DPYD: variants seen among roughly 807,000 people sequenced by gnomAD.
The protein encoded by DPYD is dihydropyrimidine dehydrogenase, also known as dihydropyrimidine dehydrogenase [NADP(+)].
In DPYD, 109 loss-of-function variants were observed where a neutral mutation model predicts 116.2. That is an observed-to-expected ratio of 0.94 (90% confidence interval 0.80 to 1.10). DPYD has a LOEUF of 1.10. Ranked by LOEUF, DPYD falls within the 50% of genes least tolerant of loss-of-function variation. The pLI is 0.00. For synonymous variants in DPYD, 440 were observed against 432.0 expected (o/e 1.02, Z -0.23); for missense variants, 1,302 against 1,254.5 (o/e 1.04, Z -0.57).
intron 8 of DPYD, among the ~76,000 whole-genome samples, chr1:97,669,029 G>A (rs778163073): frequency 6.6e-6 from 1 of 150,774 alleles, no homozygotes; most frequent in South Asian, 2.1e-4. Flanking sequence ...GATGCACAAC[G>A]TATCTCAGTA....
chr1:97,585,818 T>G (rs906079354), intron 10 of DPYD: 3 of 152,278 alleles, frequency 2.0e-5, no homozygotes, highest in Non-Finnish European at 4.4e-5. Flanking sequence ...AAGTAGAGCA[T>G]ACAGATCTCT....
At chr1:97,439,469 C>T (rs1219227349) in intron 14 of DPYD, among the ~76,000 whole-genome samples, 1 of 152,122 alleles carries the variant, frequency 6.6e-6, no homozygotes, top group African/African-American at 2.4e-5. Context: ...GGAAATTGTC[C>T]AGTTCACTTA....
intron 3 of DPYD, among the ~76,000 whole-genome samples, chr1:97,771,686 T>C (rs1039657076): frequency 3.9e-5 from 6 of 152,152 alleles, no homozygotes; most frequent in African/African-American, 1.4e-4. Flanking sequence ...ATATAACCCA[T>C]ATTTGGGGAT....
At position 97,282,008 on chromosome 1, in the gene DPYD, C is replaced by A. The variant is rs148703110; in HGVS notation, c.2299+23251G>T. ...GTTATTGGCTTTTTTCCATCTATTG[C>A]TCAAATAACTTTAAATATCTATCTC... On this transcript the variant is annotated intron_variant, in intron 18 of 22. Transcript: ENST00000370192. 7.9e-3 allele frequency among the ~76,000 whole-genome samples: 1,202 copies of A among 152,132 alleles called. 9 individuals carry two copies. The highest frequency in any genetic ancestry group is 0.012 in the Non-Finnish European group (841 of 67,948).
At chr1:97,903,853 C>T (rs567981491) in intron 1 of DPYD, among the ~76,000 whole-genome samples, 4 of 151,860 alleles carry the variant, frequency 2.6e-5, no homozygotes, top group Non-Finnish European at 5.9e-5. Flanking sequence ...AAAAATCTGA[C>T]GGCTGAATAA....
chr1:97,121,241 T>G (rs1018200941), intron 20 of DPYD, among the ~76,000 whole-genome samples: 4 of 152,120 alleles, frequency 2.6e-5, no homozygotes, highest in African/African-American at 9.7e-5. Flanking sequence ...AGAAATTGTT[T>G]CTTCAAGCCT....
At chr1:97,654,304 T>C (rs1276698326) in intron 8 of DPYD, among the ~76,000 whole-genome samples, 1 of 152,176 alleles carries the variant, frequency 6.6e-6, no homozygotes, top group African/African-American at 2.4e-5. Flanking sequence ...AATCAATATC[T>C]GATGAAAGAA....
At chr1:97,629,945 T>C (rs975610351) in intron 8 of DPYD, among the ~76,000 whole-genome samples, 4 of 152,186 alleles carry the variant, frequency 2.6e-5, no homozygotes, top group Middle Eastern at 3.4e-3. Context: ...AAACATTGTA[T>C]AAATAGAATC....
chr1:97,853,867 A>C (rs1355961600), intron 2 of DPYD, among the ~76,000 whole-genome samples: 2 of 152,194 alleles, frequency 1.3e-5, no homozygotes, highest in Non-Finnish European at 2.9e-5. Context: ...ATGTTATAAT[A>C]AACCAGTCCA....
At chr1:97,226,035 A>G (rs1186142966) in intron 19 of DPYD, among the ~76,000 whole-genome samples, 1 of 152,172 alleles carries the variant, frequency 6.6e-6, no homozygotes, top group Admixed American at 6.5e-5. Context: ...TAAAAGAATC[A>G]TTCACCATGA....
At chr1:97,226,123 A>AT (rs1661137679) in intron 19 of DPYD, among the ~76,000 whole-genome samples, 1 of 152,170 alleles carries the variant, frequency 6.6e-6, no homozygotes, top group Non-Finnish European at 1.5e-5. Flanking sequence ...CATTAAGAGA[A>AT]TGAATCACAA....
chr1:97,237,707 G>A (rs1662050334), intron 18 of DPYD, among the ~76,000 whole-genome samples: 1 of 152,066 alleles, frequency 6.6e-6, no homozygotes, highest in African/African-American at 2.4e-5. Flanking sequence ...ATTTTTTAAG[G>A]AAAGCTGTAA....
chr1:97,761,972 A>T (rs993689100), intron 3 of DPYD, among the ~76,000 whole-genome samples: 9 of 152,128 alleles, frequency 5.9e-5, no homozygotes, highest in African/African-American at 2.2e-4. Flanking sequence ...ATATGAGCAC[A>T]AGGAAGGAAC....
intron 20 of DPYD, among the ~76,000 whole-genome samples, chr1:97,174,048 C>A (rs1038598052): frequency 1.3e-5 from 2 of 151,754 alleles, no homozygotes; most frequent in African/African-American, 2.4e-5. Context: ...TATTACAAGA[C>A]AAAATGTCAA....
intron 2 of DPYD, among the ~76,000 whole-genome samples, chr1:97,882,791 A>G (rs1404844261): frequency 6.6e-6 from 1 of 151,952 alleles, no homozygotes; most frequent in East Asian, 1.9e-4. Flanking sequence ...ATGTTCATAT[A>G]TTTTGTGAGG....
At chr1:97,629,723 A>C (rs141528490) in intron 8 of DPYD, among the ~76,000 whole-genome samples, 115 of 152,204 alleles carry the variant, frequency 7.6e-4, no homozygotes, top group Non-Finnish European at 1.4e-3. Context: ...AAAATGCTAG[A>C]AATCTTTGCC....
At chr1:97,321,599 G>T (rs1221303210) in intron 16 of DPYD, among the ~76,000 whole-genome samples, 8 of 54,046 alleles carry the variant, frequency 1.5e-4, no homozygotes, top group Admixed American at 2.9e-4. Flanking sequence ...TGCTGGAGAG[G>T]ATGTGGAGAA....
At chr1:97,794,292 T>C (rs1335436829) in intron 3 of DPYD, among the ~76,000 whole-genome samples, 2 of 152,154 alleles carry the variant, frequency 1.3e-5, no homozygotes, top group Non-Finnish European at 2.9e-5. Flanking sequence ...AGGAAATATT[T>C]TCAAGGCACA....
At chr1:97,538,757 A>T (rs976099214) in intron 12 of DPYD, among the ~76,000 whole-genome samples, 5 of 152,214 alleles carry the variant, frequency 3.3e-5, no homozygotes, top group Non-Finnish European at 5.9e-5. Flanking sequence ...AACTGAAGAT[A>T]CTTGTGCTTC....
Sources: gnomAD v4.1 joint callset for allele counts (sites outside exome capture counted in the v4.1 genomes callset) on GRCh38, gnomAD v4.1.1 for gene constraint, MANE v1.5 for transcripts, NCBI Gene and HGNC (gene_info 2026-07-23, HGNC 2026-07-21) for gene names.